FYN: variants seen among roughly 807,000 people sequenced by gnomAD.
FYN encodes FYN proto-oncogene, Src family tyrosine kinase.
FYN carries 10 observed loss-of-function variants against 70.2 expected under a neutral mutation model. The observed-to-expected ratio is 0.14, with a 90% CI of 0.09 to 0.24. The LOEUF (loss-of-function observed/expected upper bound fraction) is 0.24. FYN is among the 10% of genes least tolerant of loss of function. The pLI, the probability that FYN is intolerant of heterozygous loss-of-function variation, is 1.00. For synonymous variants in FYN, 236 were observed against 248.6 expected (o/e 0.95, Z 0.48); for missense variants, 319 against 673.1 (o/e 0.47, Z 5.82).
chr6:111,692,533 T>C (rs1391996002), intron 12 of FYN, among the ~76,000 whole-genome samples: 1 of 152,124 alleles, frequency 6.6e-6, no homozygotes, highest in East Asian at 1.9e-4. Context: ...CCCCAGGCCC[T>C]ATTAACAGCA....
At chr6:111,692,109 C>CA (rs916788779) in intron 12 of FYN, among the ~76,000 whole-genome samples, 6 of 144,224 alleles carry the variant, frequency 4.2e-5, no homozygotes, top group South Asian at 2.3e-4. Flanking sequence ...TTTCCCCCCC[C>CA]CCCAGTTCAG....
chr6:111,711,543 T>C (rs1800379480), intron 5 of FYN, among the ~76,000 whole-genome samples: 1 of 152,230 alleles, frequency 6.6e-6, no homozygotes, highest in African/African-American at 2.4e-5. Context: ...TCTGGGTACA[T>C]ACATACATGC....
chr6:111,777,997 T>C (rs1319741170), intron 3 of FYN, among the ~76,000 whole-genome samples: 1 of 152,208 alleles, frequency 6.6e-6, no homozygotes, highest in Non-Finnish European at 1.5e-5. Flanking sequence ...TTATGATCCA[T>C]GACCAGACAC....
At position 111,661,724 on chromosome 6, in the gene FYN, C is replaced by T. The variant is rs370087617; in HGVS notation, c.*15G>A. 10 of 1,609,970 alleles carry T rather than the reference C, an allele frequency of 6.2e-6. No individual in the cohort carries two copies. Among genetic ancestry groups the T allele is most frequent in the African/African-American group, 5.3e-5 (4 of 74,834 alleles). ...GCAGCCTCTGGGACAAGGCCTCTCT[C>T]CGCAGACCCGGGCCTTACAGGTTTT... On this transcript the variant is annotated 3_prime_UTR_variant, in exon 14 of 14. Transcript: ENST00000354650. This position sits in a 1 kb window ranked among gnomAD's most constrained non-coding sequence, Gnocchi z 4.0.
chr6:111,806,211 G>A (rs1251712118), intron 2 of FYN, among the ~76,000 whole-genome samples: 2 of 152,114 alleles, frequency 1.3e-5, no homozygotes, highest in Non-Finnish European at 2.9e-5. Context: ...ACAATTGCAC[G>A]AGCTTGTAAC....
intron 3 of FYN, among the ~76,000 whole-genome samples, chr6:111,748,098 CA>C (rs1802311425): frequency 6.6e-6 from 1 of 152,206 alleles, no homozygotes; most frequent in Non-Finnish European, 1.5e-5. Flanking sequence ...CATATTTTAA[CA>C]TTACATTCTG....
intron 3 of FYN, among the ~76,000 whole-genome samples, chr6:111,721,960 G>C (rs1338499426): frequency 1.3e-5 from 2 of 152,080 alleles, no homozygotes; most frequent in African/African-American, 4.8e-5. Flanking sequence ...TATTCACTGG[G>C]GAGGGCACAG....
chr6:111,662,129 A>C (rs1441023404), intron 13 of FYN, among the ~76,000 whole-genome samples, 182 bp from the exon 14 acceptor site: 3 of 152,252 alleles, frequency 2.0e-5, no homozygotes, highest in Non-Finnish European at 4.4e-5. Context: ...TGCAGAACTG[A>C]GACATGAAAA....
intron 3 of FYN, among the ~76,000 whole-genome samples, chr6:111,736,001 T>A (rs768069256): frequency 6.6e-6 from 1 of 152,180 alleles, no homozygotes; most frequent in East Asian, 1.9e-4. Context: ...TGTAAGTGGC[T>A]GCCTAAACAT....
chr6:111,673,085 T>C (rs1798360520), intron 13 of FYN, among the ~76,000 whole-genome samples: 1 of 152,126 alleles, frequency 6.6e-6, no homozygotes, highest in Non-Finnish European at 1.5e-5. Flanking sequence ...CTGGGAGGGA[T>C]CAGGAAGAAA....
Position 111,661,641 on chromosome 6 carries a change from G to T in FYN, c.*98C>A. 8.9e-7 allele frequency: 1 copy of T among 1,124,626 alleles called. No homozygotes were observed. The highest frequency in any genetic ancestry group is 1.5e-5 in the South Asian group (1 of 68,354). The allele number at this position is 1,124,626 out of a possible 1,614,324, so 69.7% of individuals were successfully genotyped here. ...AGTCACATGCAATCTGATCCTGGGC[G>T]GTTCCGCTGCTGGGGAGCAGCTGGC... On this transcript the variant is annotated 3_prime_UTR_variant, in exon 14 of 14. Coordinates refer to ENST00000354650, the MANE Select transcript of FYN (RefSeq NM_002037.5). This position sits in a 1 kb window ranked among gnomAD's most constrained non-coding sequence, Gnocchi z 4.0.
chr6:111,850,846 C>T (rs1044894374), intron 1 of FYN, among the ~76,000 whole-genome samples: 10 of 152,188 alleles, frequency 6.6e-5, no homozygotes, highest in African/African-American at 9.7e-5. Flanking sequence ...CTGGGTTAGG[C>T]GCCTGAGACA....
At chr6:111,841,988 AACACACACACAC>A (rs35832854) in intron 2 of FYN, among the ~76,000 whole-genome samples, 4 of 148,168 alleles carry the variant, frequency 2.7e-5, no homozygotes, top group Non-Finnish European at 6.0e-5. Context: ...CTTCCTCCTA[AACACACACACAC>A]ACACACACAC....
rs138849945 is a variant in FYN, at chr6:111,680,128, T to A, written c.1274-5498A>T. Among the ~76,000 whole-genome samples, 641 of 152,318 alleles carry A rather than the reference T, an allele frequency of 4.2e-3. 5 individuals are homozygous for A. Among genetic ancestry groups the A allele is most frequent in the Non-Finnish European group, 6.0e-3 (409 of 68,024 alleles). On this transcript the variant is annotated intron_variant, in intron 12 of 13. Transcript: ENST00000354650. ...CTTCAAGCAAGAGAAAGGAGAGGGCTGTGGATTTATTCAGTTATCAAAGTT... is the reference window on the plus strand; with the variant it reads ...CTTCAAGCAAGAGAAAGGAGAGGGCAGTGGATTTATTCAGTTATCAAAGTT...
chr6:111,864,056 T>C (rs1400764429), intron 1 of FYN, among the ~76,000 whole-genome samples: 1 of 152,182 alleles, frequency 6.6e-6, no homozygotes, highest in Non-Finnish European at 1.5e-5. Flanking sequence ...GGATATGCAT[T>C]CTATGAGATC....
intron 13 of FYN, among the ~76,000 whole-genome samples, chr6:111,663,822 G>A (rs763183332): frequency 3.9e-5 from 6 of 152,116 alleles, no homozygotes; most frequent in Non-Finnish European, 5.9e-5. Context: ...TCCAATGGCT[G>A]AAAATGGGGG....
intron 3 of FYN, among the ~76,000 whole-genome samples, chr6:111,779,203 A>G (rs1222116105): frequency 7.9e-6 from 1 of 126,800 alleles, no homozygotes; most frequent in Non-Finnish European, 1.6e-5. Context: ...CTTTGATTCT[A>G]TGAAATGGCA....
At chr6:111,840,863 C>A (rs867266303) in intron 2 of FYN, among the ~76,000 whole-genome samples, 2 of 152,152 alleles carry the variant, frequency 1.3e-5, no homozygotes, top group African/African-American at 2.4e-5. Context: ...GGCAGACAAC[C>A]AAATGATTCC....
chr6:111,671,940 T>A (rs1798292893), intron 13 of FYN, among the ~76,000 whole-genome samples: 1 of 152,194 alleles, frequency 6.6e-6, no homozygotes, highest in East Asian at 1.9e-4. Context: ...TATAGCTATG[T>A]TAAAAAGCAA....
Sources: allele counts gnomAD v4.1 joint callset (sites outside exome capture counted in the v4.1 genomes callset), GRCh38; gene constraint gnomAD v4.1.1; non-coding constraint Gnocchi (gnomAD v3.1); transcripts MANE v1.5; gene names NCBI Gene and HGNC (gene_info 2026-07-23, HGNC 2026-07-21).